GLG1: variants seen among roughly 807,000 people sequenced by gnomAD.
GLG1 encodes the protein Golgi apparatus protein 1.
In GLG1, 38 loss-of-function variants were observed where a neutral mutation model predicts 160.5. The observed-to-expected ratio is 0.24, with a 90% CI of 0.18 to 0.31. The LOEUF (loss-of-function observed/expected upper bound fraction) is 0.31, where lower values mean the gene tolerates loss of function less well. Among genes scored for constraint, GLG1 ranks in the 10% least tolerant of loss-of-function variants. The probability of loss-of-function intolerance (pLI) is 1.00; values close to 1 mark genes in which losing one functional copy is unlikely to be tolerated. For missense variants in GLG1, 1,373 were observed against 1,505.2 expected, an observed-to-expected ratio of 0.91 and a Z score of 1.45; for synonymous variants, 644 against 543.4, an observed-to-expected ratio of 1.19 and a Z score of -2.57.
intron 6 of GLG1, among the ~76,000 whole-genome samples, chr16:74,493,472 G>A (rs911436534): frequency 3.9e-5 from 6 of 152,250 alleles, no homozygotes; most frequent in South Asian, 2.1e-4. Flanking sequence ...ACAATACCCC[G>A]AACATAAATT....
intron 2 of GLG1, among the ~76,000 whole-genome samples, chr16:74,512,605 C>A (rs530931806): frequency 6.6e-6 from 1 of 151,806 alleles, no homozygotes; most frequent in African/African-American, 2.4e-5. Flanking sequence ...TCTGTTCATC[C>A]ATCCCAAACG....
chr16:74,538,567 G>T (rs888329998), intron 1 of GLG1, among the ~76,000 whole-genome samples: 1 of 152,150 alleles, frequency 6.6e-6, no homozygotes, highest in Non-Finnish European at 1.5e-5. Flanking sequence ...GATAGTGGCT[G>T]AGTATTGTTT....
rs1364868991 is a variant in GLG1 at position 74,452,822 on chromosome 16, G to A, written c.*345C>T. The A allele has an allele frequency of 2.6e-5, 27 of 1,023,016 alleles. No homozygotes were observed. Among genetic ancestry groups the A allele is most frequent in the Non-Finnish European group, 3.2e-5 (27 of 855,310 alleles). The allele number at this position is 1,023,016 out of a possible 1,614,324, so 63.4% of individuals were successfully genotyped here. ...CTTTAAAAAAATTTTTTTTTTTGGT[G>A]GTTTTCTTAAAAAAGCCTTTGAGTT... is the stretch of plus-strand genomic sequence containing the variant. On this transcript the variant is annotated 3_prime_UTR_variant, in exon 26 of 26. Transcript: ENST00000422840.
intron 16 of GLG1, 167 bp from the exon 17 acceptor site, chr16:74,469,230 T>C (rs941480420): frequency 5.0e-6 from 3 of 603,472 alleles, no homozygotes; most frequent in African/African-American, 3.7e-5. Context: ...AAGCTGCAAT[T>C]TGACTGTGGG....
chr16:74,546,116 A>G (rs2018038697), intron 1 of GLG1, among the ~76,000 whole-genome samples: 1 of 152,214 alleles, frequency 6.6e-6, no homozygotes, highest in African/African-American at 2.4e-5. Context: ...AATCATAATT[A>G]CTGTTCTTCA....
chr16:74,490,880 T>C (rs1441957722), intron 8 of GLG1, 121 bp downstream of exon 8: 1 of 680,898 alleles, frequency 1.5e-6, no homozygotes, highest in Non-Finnish European at 2.6e-6. Flanking sequence ...TGATCATTAG[T>C]ACCTAATGTT....
At chr16:74,516,540 G>A (rs1035010471) in intron 2 of GLG1, among the ~76,000 whole-genome samples, 16 of 152,080 alleles carry the variant, frequency 1.1e-4, no homozygotes, top group Middle Eastern at 3.2e-3. Context: ...AGAATCTCTG[G>A]GACACATTCA....
intron 1 of GLG1, among the ~76,000 whole-genome samples, chr16:74,601,841 A>G (rs995861746): frequency 2.6e-5 from 4 of 152,190 alleles, no homozygotes; most frequent in African/African-American, 9.7e-5. Flanking sequence ...CTTAGCTACA[A>G]CCACCCATGG....
chr16:74,499,776 G>C (rs1421461013), intron 4 of GLG1, among the ~76,000 whole-genome samples: 1 of 152,202 alleles, frequency 6.6e-6, no homozygotes, highest in Non-Finnish European at 1.5e-5. Context: ...GGCCGAGGCA[G>C]GTGGATCACA....
chr16:74,485,490 T>G (rs928183206), intron 9 of GLG1, among the ~76,000 whole-genome samples: 1 of 152,228 alleles, frequency 6.6e-6, no homozygotes, highest in Admixed American at 6.5e-5. Context: ...AGTGTTTCTC[T>G]CTTTCATTTT....
intron 4 of GLG1, among the ~76,000 whole-genome samples, chr16:74,498,617 C>G (rs889552746): frequency 2.0e-5 from 3 of 149,240 alleles, no homozygotes; most frequent in Non-Finnish European, 4.4e-5. Context: ...GTAATCCCAG[C>G]ACTTTGGGAG....
At chr16:74,510,740 G>C (rs77416459) in intron 2 of GLG1, among the ~76,000 whole-genome samples, 1 of 152,188 alleles carries the variant, frequency 6.6e-6, no homozygotes, top group African/African-American at 2.4e-5. Flanking sequence ...CACAGTGTTA[G>C]GAACTGGTGG....
At chr16:74,553,609 AC>A (rs2018270347) in intron 1 of GLG1, among the ~76,000 whole-genome samples, 1 of 150,890 alleles carries the variant, frequency 6.6e-6, no homozygotes, top group South Asian at 2.1e-4. Flanking sequence ...AGTAGCTGGG[AC>A]TACAGGTGCC....
intron 2 of GLG1, among the ~76,000 whole-genome samples, chr16:74,529,390 G>A (rs1471506883): frequency 6.6e-6 from 1 of 151,472 alleles, no homozygotes; most frequent in Non-Finnish European, 1.5e-5. Flanking sequence ...CTAATTCTCG[G>A]TTGAAATACT....
intron 1 of GLG1, among the ~76,000 whole-genome samples, chr16:74,600,755 CA>C (rs1329657642): frequency 2.6e-5 from 3 of 114,700 alleles, no homozygotes; most frequent in African/African-American, 6.7e-5. Context: ...AAAAAAAAAA[CA>C]AAAAAAAACA....
At chr16:74,455,520 C>T (rs1409994030) in intron 25 of GLG1, among the ~76,000 whole-genome samples, 1 of 152,234 alleles carries the variant, frequency 6.6e-6, no homozygotes, top group African/African-American at 2.4e-5. Flanking sequence ...ACTTTCTTCC[C>T]TTGGCAGAAG....
rs531720341 is a variant in GLG1 at position 74,574,883 on chromosome 16, C to CAA, written c.438+31772_438+31773dup. On this transcript the variant is annotated intron_variant, in intron 1 of 25. Coordinates refer to ENST00000422840, the MANE Select transcript of GLG1 (RefSeq NM_001145667.2). ...TGGGTAAGAGAGCAAGACTCTGTCTCAAAAAAAAAAAAAAAAAAAAAAAAA... is the reference window on the plus strand; with the variant it reads ...TGGGTAAGAGAGCAAGACTCTGTCTCAAAAAAAAAAAAAAAAAAAAAAAAAAA... Among the ~76,000 whole-genome samples, 90 of 24,792 alleles carry CAA rather than the reference C, an allele frequency of 3.6e-3. 27 individuals are homozygous for CAA. Among genetic ancestry groups the CAA allele is most frequent in the East Asian group, 0.014 (4 of 286 alleles). 16.3% of individuals were successfully genotyped at this position (24,792 alleles called of 152,430 possible).
intron 1 of GLG1, among the ~76,000 whole-genome samples, chr16:74,605,653 G>A (rs899093691): frequency 1.3e-5 from 2 of 151,978 alleles, no homozygotes; most frequent in Non-Finnish European, 2.9e-5. Context: ...TAGAACACGA[G>A]ATGAAGGGGG....
intron 9 of GLG1, 141 bp from the exon 10 acceptor site, chr16:74,483,265 A>T (rs1190113653): frequency 3.3e-6 from 2 of 599,992 alleles, no homozygotes; most frequent in Admixed American, 6.1e-5. Flanking sequence ...GAATCACTCA[A>T]ATTAACTGAA....
Sources: allele counts gnomAD v4.1 joint callset (sites outside exome capture counted in the v4.1 genomes callset), GRCh38; gene constraint gnomAD v4.1.1; transcripts MANE v1.5; gene names NCBI Gene and HGNC (gene_info 2026-07-23, HGNC 2026-07-21).